WWOX: variants seen among roughly 807,000 people sequenced by gnomAD.
The protein encoded by WWOX is WW domain-containing oxidoreductase.
WWOX carries 69 observed loss-of-function variants against 46.2 expected under a neutral mutation model. That is an observed-to-expected ratio of 1.49 (90% CI 1.23 to 1.82). The LOEUF is 1.82. WWOX is among the 40% of genes most tolerant of loss of function. The pLI, the probability that WWOX is intolerant of heterozygous loss-of-function variation, is 0.00. For synonymous variants in WWOX, 359 were observed against 202.6 expected (o/e 1.77, Z -6.56); for missense variants, 919 against 542.6 (o/e 1.69, Z -6.89).
At chr16:78,725,988 CCTCCTT>C (rs1321984201) in intron 8 of WWOX, among the ~76,000 whole-genome samples, 3 of 148,814 alleles carry the variant, frequency 2.0e-5, no homozygotes, top group Non-Finnish European at 4.5e-5. Context: ...TTCTCCTTCT[CCTCCTT>C]CTCCTTCTTC....
intron 8 of WWOX, among the ~76,000 whole-genome samples, chr16:78,951,063 C>T (rs1597195726): frequency 6.6e-6 from 1 of 152,166 alleles, no homozygotes; most frequent in African/African-American, 2.4e-5. Context: ...GAGAAGAGGC[C>T]AGATGAGGAC....
chr16:78,889,041 G>A (rs1032600120), intron 8 of WWOX, among the ~76,000 whole-genome samples: 3 of 151,946 alleles, frequency 2.0e-5, no homozygotes, highest in Admixed American at 2.0e-4. Context: ...CATCCCGGCT[G>A]ACTTCTTCCC....
At chr16:78,902,879 A>G (rs984959359) in intron 8 of WWOX, among the ~76,000 whole-genome samples, 3 of 152,194 alleles carry the variant, frequency 2.0e-5, no homozygotes, top group African/African-American at 4.8e-5. Context: ...ACAAGGGAAA[A>G]GACAGCAAGG....
chr16:78,847,772 TAA>T (rs540806030), intron 8 of WWOX, among the ~76,000 whole-genome samples: 2 of 146,436 alleles, frequency 1.4e-5, no homozygotes, highest in African/African-American at 2.5e-5. Context: ...GTAGCTTGTT[TAA>T]AAAAAAAAAG....
intron 8 of WWOX, among the ~76,000 whole-genome samples, chr16:78,928,229 G>A (rs2045543944): frequency 6.9e-6 from 1 of 144,346 alleles, no homozygotes; most frequent in African/African-American, 2.6e-5. Flanking sequence ...TTGAGACGGA[G>A]TCTCGCTCTG....
intron 6 of WWOX, among the ~76,000 whole-genome samples, chr16:78,398,457 C>G (rs1320682733): frequency 1.3e-5 from 2 of 152,176 alleles, no homozygotes; most frequent in African/African-American, 4.8e-5. Flanking sequence ...AGGAGAAAAA[C>G]CAAGCTGGAT....
At position 78,433,080 on chromosome 16, in the gene WWOX, T is replaced by A. The variant is rs941976324; in HGVS notation, c.1056+328T>A. ...ATTCAGAAACTTTGAAAATCTATTT[T>A]GTTGAATGGAGCACTTGAAAACTGC... On this transcript the variant is annotated intron_variant, in intron 8 of 8. Transcript: ENST00000566780. Among the ~76,000 whole-genome samples the A allele has an allele frequency of 2.0e-5, 3 of 152,190 alleles. No homozygotes were observed. In the East Asian group the frequency reaches 5.8e-4, roughly 29 times the overall value.
chr16:78,575,863 T>C (rs1237904891), intron 8 of WWOX, among the ~76,000 whole-genome samples: 1 of 152,130 alleles, frequency 6.6e-6, no homozygotes, highest in African/African-American at 2.4e-5. Context: ...TTTTTAAACA[T>C]GTAAAAAAAT....
intron 5 of WWOX, among the ~76,000 whole-genome samples, chr16:78,279,052 T>G (rs147820436): frequency 2.3e-3 from 346 of 152,308 alleles, no homozygotes; most frequent in African/African-American, 8.2e-3. Context: ...CCTCCTCCCA[T>G]TGTCAAGGAA....
chr16:78,527,184 A>G (rs968320547), intron 8 of WWOX, among the ~76,000 whole-genome samples: 2 of 152,144 alleles, frequency 1.3e-5, no homozygotes, highest in Non-Finnish European at 2.9e-5. Flanking sequence ...TGATGTAGGA[A>G]TGAACAGATG....
At chr16:78,998,052 T>C (rs2047024030) in intron 8 of WWOX, among the ~76,000 whole-genome samples, 1 of 152,066 alleles carries the variant, frequency 6.6e-6, no homozygotes, top group Non-Finnish European at 1.5e-5. Flanking sequence ...AATTTTGTGT[T>C]TTTAGTAAAG....
intron 5 of WWOX, chr16:78,265,885 A>G (rs987231406): frequency 3.9e-5 from 6 of 152,190 alleles, no homozygotes; most frequent in Non-Finnish European, 7.3e-5. Context: ...TGCTTGGCCT[A>G]ATATACATCC....
intron 5 of WWOX, among the ~76,000 whole-genome samples, chr16:78,328,948 G>GC (rs1342877974): frequency 1.3e-5 from 2 of 151,956 alleles, no homozygotes; most frequent in Non-Finnish European, 2.9e-5. Flanking sequence ...TGCAGCCTCT[G>GC]CCCCCTGGGT....
intron 1 of WWOX, among the ~76,000 whole-genome samples, chr16:78,100,587 C>T (rs1025666939): frequency 6.6e-6 from 1 of 152,204 alleles, no homozygotes; most frequent in Non-Finnish European, 1.5e-5. Flanking sequence ...GATAGCTTCA[C>T]TATCATTTCC....
At chr16:78,650,188 A>G (rs2046935166) in intron 8 of WWOX, among the ~76,000 whole-genome samples, 1 of 152,188 alleles carries the variant, frequency 6.6e-6, no homozygotes, top group African/African-American at 2.4e-5. Flanking sequence ...AACTTGCATA[A>G]AAAGGATCTC....
chr16:79,091,254 G>C lies in WWOX; in HGVS notation c.1057-120354G>C, dbSNP rs537968361. 1.3e-4 allele frequency among the ~76,000 whole-genome samples: 19 copies of C among 151,986 alleles called. No homozygotes were observed. In the East Asian group the frequency reaches 2.7e-3, roughly 22 times the overall value. On this transcript the variant is annotated intron_variant, in intron 8 of 8. Coordinates refer to ENST00000566780, the MANE Select transcript of WWOX (RefSeq NM_016373.4). Reference sequence around the variant, plus strand: ...AACAAAAGCAAAAACAAAAAACTAAGTAGTAGTTGGGGCATTTTTATTTTA... The same window carrying C: ...AACAAAAGCAAAAACAAAAAACTAACTAGTAGTTGGGGCATTTTTATTTTA...
At chr16:78,556,049 T>C (rs2044287294) in intron 8 of WWOX, among the ~76,000 whole-genome samples, 1 of 152,000 alleles carries the variant, frequency 6.6e-6, no homozygotes, top group African/African-American at 2.4e-5. Context: ...CCCGGGCTAT[T>C]AATCATCGCC....
chr16:78,401,769 G>C (rs113391552), intron 6 of WWOX, among the ~76,000 whole-genome samples: 1 of 151,650 alleles, frequency 6.6e-6, no homozygotes, highest in Non-Finnish European at 1.5e-5. Context: ...GTGTGATCTT[G>C]GCTCACTGCA....
At chr16:78,503,829 C>A (rs899180022) in intron 8 of WWOX, 1 of 152,166 alleles carries the variant, frequency 6.6e-6, no homozygotes, top group East Asian at 1.9e-4. Flanking sequence ...ACTCTTTTTC[C>A]TCTCTAGCAA....
Sources: allele counts gnomAD v4.1 joint callset (sites outside exome capture counted in the v4.1 genomes callset), GRCh38; gene constraint gnomAD v4.1.1; transcripts MANE v1.5; gene names NCBI Gene and HGNC (gene_info 2026-07-23, HGNC 2026-07-21).